Variants in CELA2B observed in about 807,000 individuals in gnomAD.
CELA2B encodes chymotrypsin-like elastase family member 2B.
Under a neutral mutation model 36.5 loss-of-function variants are expected in CELA2B, and 27 were observed. The observed-to-expected ratio is 0.74, with a 90% CI of 0.55 to 1.02. The LOEUF is 1.02. Among genes scored for constraint, CELA2B ranks in the 50% least tolerant of loss-of-function variants. The probability of loss-of-function intolerance (pLI) is 0.00; values close to 1 mark genes in which losing one functional copy is unlikely to be tolerated. For missense variants in CELA2B, 340 were observed against 347.8 expected, an observed-to-expected ratio of 0.98 and a Z score of 0.18; for synonymous variants, 143 against 148.5, an observed-to-expected ratio of 0.96 and a Z score of 0.27.
chr1:15,478,217 T>TATATATATATA (rs1491212485), intron 2 of CELA2B, among the ~76,000 whole-genome samples: 3 of 48,520 alleles, frequency 6.2e-5, no homozygotes, highest in African/African-American at 2.3e-4. Context: ...TATATATATA[T>TATATATATATA]TGGGATATAT....
Position 15,487,345 on chromosome 1 carries a change from A to G in CELA2B, c.700A>G (p.Ile234Val). The G allele has an allele frequency of 6.2e-7, 1 of 1,614,198 alleles. No homozygotes were observed. Among genetic ancestry groups the G allele is most frequent in the Non-Finnish European group, 8.5e-7 (1 of 1,180,040 alleles). Residue 234 changes from isoleucine to valine, a missense_variant, in exon 7 of 8, where the codon ATC becomes GTC. Physicochemically the swap from Ile to Val is conservative, Grantham distance 29. Transcript: ENST00000375910. ...TGACGGCCGGTGGGAGGTGCATGGC[A>G]TCGGCAGCCTCACGTCGGTCCTTGG... ...ASDGRWEVHG[I>V]GSLTSVLGCN...
chr1:15,477,397 G>A (rs940440137), intron 2 of CELA2B, among the ~76,000 whole-genome samples: 3 of 152,168 alleles, frequency 2.0e-5, no homozygotes, highest in African/African-American at 4.8e-5. Context: ...TTACATTGAC[G>A]CAAACAAATA....
At chr1:15,488,577 A>G (rs771141485) in intron 7 of CELA2B, among the ~76,000 whole-genome samples, 4 of 152,110 alleles carry the variant, frequency 2.6e-5, no homozygotes, top group Non-Finnish European at 5.9e-5. Flanking sequence ...CCAATTAGGG[A>G]CCACCTGTTT....
chr1:15,484,150 AGCTCCACAAAGG>A (rs1326397143), intron 5 of CELA2B, among the ~76,000 whole-genome samples: 11 of 152,076 alleles, frequency 7.2e-5, no homozygotes, highest in Non-Finnish European at 1.5e-4. Flanking sequence ...AGGTCTCTGG[AGCTCCACAAAGG>A]CCCCTGGAGC....
At chr1:15,479,875 G>A (rs1214866315) in intron 2 of CELA2B, among the ~76,000 whole-genome samples, 1 of 152,208 alleles carries the variant, frequency 6.6e-6, no homozygotes, top group Non-Finnish European at 1.5e-5. Context: ...CGGGTTTGGT[G>A]TATGTGCAGA....
intron 5 of CELA2B, among the ~76,000 whole-genome samples, chr1:15,483,910 T>A (rs542568148): frequency 1.0e-4 from 15 of 148,948 alleles, no homozygotes; most frequent in Middle Eastern, 6.9e-3. Flanking sequence ...GCCAGGGGGA[T>A]AGAGCGAGAC....
chr1:15,479,074 G>A (rs1266074774), intron 2 of CELA2B, among the ~76,000 whole-genome samples: 1 of 152,160 alleles, frequency 6.6e-6, no homozygotes, highest in South Asian at 2.1e-4. Flanking sequence ...TACGTATTAC[G>A]TGGACGAAAT....
intron 5 of CELA2B, 73 bp from the exon 6 acceptor site, chr1:15,485,828 C>T: frequency 1.3e-6 from 2 of 1,565,476 alleles, no homozygotes; most frequent in Non-Finnish European, 1.8e-6. Context: ...AGGGGAAATC[C>T]AGTAGGGGTC....
chr1:15,487,673 T>C (rs908135376), intron 7 of CELA2B, among the ~76,000 whole-genome samples: 4 of 152,236 alleles, frequency 2.6e-5, no homozygotes, highest in Non-Finnish European at 4.4e-5. Flanking sequence ...TCCAAAGACG[T>C]TGGACACTCC....
chr1:15,487,891 G>A (rs1570812817), intron 7 of CELA2B, among the ~76,000 whole-genome samples: 2 of 152,168 alleles, frequency 1.3e-5, no homozygotes, highest in East Asian at 3.8e-4. Flanking sequence ...AACCATCCCA[G>A]TTTGCCCAGG....
In CELA2B at chr1:15,476,878, AGG is replaced by A. The variant is rs550104370; in HGVS notation, c.129+334_129+335del. 2.5e-3 allele frequency among the ~76,000 whole-genome samples: 384 copies of A among 152,314 alleles called. 5 individuals carry two copies. The highest frequency in any genetic ancestry group is 8.9e-3 in the African/African-American group (368 of 41,574). ...ACGCCTGTAATCCCAGCATCTCGGG[AGG>A]CTGAGGCAGGAGAAAGACTTGAACC... is the stretch of plus-strand genomic sequence containing the variant. On this transcript the variant is annotated intron_variant, in intron 2 of 7. Transcript: ENST00000375910.
chr1:15,486,667 T>C (rs1359226045), intron 6 of CELA2B, among the ~76,000 whole-genome samples: 1 of 152,226 alleles, frequency 6.6e-6, no homozygotes, highest in Non-Finnish European at 1.5e-5. Context: ...TTAAGGCCTT[T>C]CTAAGATGAC....
chr1:15,483,524 G>C, intron 5 of CELA2B, 124 bp downstream of exon 5: 3 of 1,475,712 alleles, frequency 2.0e-6, no homozygotes, highest in Non-Finnish European at 2.8e-6. Flanking sequence ...AGACAGGATG[G>C]CATAGGCTGA....
intron 3 of CELA2B, among the ~76,000 whole-genome samples, chr1:15,481,991 C>T (rs556956538): frequency 1.4e-5 from 2 of 147,766 alleles, no homozygotes; most frequent in East Asian, 2.2e-4. Context: ...CTGTGTTCAT[C>T]TCATTCCTCC....
chr1:15,490,617 G>A (rs574314821), intron 7 of CELA2B, among the ~76,000 whole-genome samples: 14 of 152,154 alleles, frequency 9.2e-5, no homozygotes, highest in South Asian at 8.3e-4. Context: ...CCTGTAATCC[G>A]AGCACTTTGG....
intron 3 of CELA2B, 126 bp from the exon 4 acceptor site, chr1:15,482,139 G>A (rs1708748830): frequency 1.8e-6 from 2 of 1,127,946 alleles, no homozygotes; most frequent in South Asian, 1.5e-5. Flanking sequence ...ACTGTCCCAG[G>A]GGAGGAAAGA....
chr1:15,483,535 T>G, intron 5 of CELA2B, 135 bp downstream of exon 5: 1 of 1,402,434 alleles, frequency 7.1e-7, no homozygotes, highest in Non-Finnish European at 9.7e-7. Flanking sequence ...CATAGGCTGA[T>G]GTCTGCCTGG....
intron 7 of CELA2B, 193 bp from the exon 8 acceptor site, chr1:15,491,102 G>C (rs1254969736): frequency 1.1e-5 from 7 of 650,740 alleles, no homozygotes; most frequent in African/African-American, 1.8e-5. Flanking sequence ...GACCCTAACA[G>C]GTCAATGAAA....
At position 15,487,396 on chromosome 1, in the gene CELA2B, A is replaced by G. The variant is rs150307345; in HGVS notation, c.751A>G (p.Ile251Val). Residue 251 changes from isoleucine (I) to valine (V), a missense_variant, in exon 7 of 8, where the codon ATC becomes GTC. Physicochemically the swap from Ile to Val is conservative, Grantham distance 29. Transcript: ENST00000375910. ...TTGCAACTACTACTACAAGCCCTCCATCTTCACGCGGGTCTCCAACTACAA... is the reference window on the plus strand; with the variant it reads ...TTGCAACTACTACTACAAGCCCTCCGTCTTCACGCGGGTCTCCAACTACAA... ...LGCNYYYKPS[I>V]FTRVSNYNDW... is the part of the protein sequence containing the mutation. The G allele has an allele frequency of 1.3e-4, 217 of 1,614,092 alleles. No homozygotes were observed. Among genetic ancestry groups the G allele is most frequent in the East Asian group, 2.4e-4 (11 of 44,902 alleles).
Sources: gnomAD v4.1 joint callset for allele counts (sites outside exome capture counted in the v4.1 genomes callset) on GRCh38, gnomAD v4.1.1 for gene constraint, MANE v1.5 for transcripts, NCBI Gene and HGNC (gene_info 2026-07-23, HGNC 2026-07-21) for gene names.